The following GRID2 variants were observed in gnomAD, a reference collection of about 807,000 sequenced individuals.
The protein encoded by GRID2 is glutamate ionotropic receptor delta type subunit 2.
GRID2 carries 33 observed loss-of-function variants against 114.8 expected under a neutral mutation model. The ratio of observed to expected loss-of-function variants is 0.29; its 90% CI spans 0.22 to 0.38. GRID2 has a LOEUF of 0.38. GRID2 is among the 10% of genes least tolerant of loss of function. The pLI is 1.00. For missense variants in GRID2, 1,184 were observed against 1,257.7 expected (o/e 0.94, Z 0.89); for synonymous variants, 505 against 449.9 (o/e 1.12, Z -1.55).
chr4:92,898,328 T>C (rs1209648282), intron 2 of GRID2, among the ~76,000 whole-genome samples: 1 of 152,096 alleles, frequency 6.6e-6, no homozygotes. Flanking sequence ...TTTTTAACCA[T>C]ATATAGAACC....
At chr4:92,807,611 T>C (rs1260230067) in intron 2 of GRID2, among the ~76,000 whole-genome samples, 2 of 151,942 alleles carry the variant, frequency 1.3e-5, no homozygotes, top group African/African-American at 4.8e-5. Flanking sequence ...GACCATGACA[T>C]GAGACATTGG....
chr4:93,217,712 C>A (rs1744399380), intron 6 of GRID2, among the ~76,000 whole-genome samples: 1 of 152,026 alleles, frequency 6.6e-6, no homozygotes, highest in African/African-American at 2.4e-5. Flanking sequence ...CTCATATAAC[C>A]TGTCAGTATA....
intron 13 of GRID2, among the ~76,000 whole-genome samples, chr4:93,594,093 G>A (rs1458398749): frequency 2.0e-5 from 3 of 152,166 alleles, no homozygotes; most frequent in African/African-American, 4.8e-5. Flanking sequence ...TTCCGTTGCT[G>A]GTGAGGAGCT....
intron 10 of GRID2, among the ~76,000 whole-genome samples, chr4:93,440,911 C>A (rs1011852916): frequency 6.6e-6 from 1 of 151,984 alleles, no homozygotes; most frequent in Non-Finnish European, 1.5e-5. Context: ...AATAATAAGT[C>A]TTGAATCAAA....
intron 2 of GRID2, among the ~76,000 whole-genome samples, chr4:92,799,191 A>G (rs117607183): frequency 0.025 from 3,789 of 152,068 alleles, 102 homozygotes; most frequent in East Asian, 0.12. Flanking sequence ...GGAGACAGTG[A>G]CAGATCACCC....
chr4:92,914,591 C>T (rs1748641075), intron 2 of GRID2, among the ~76,000 whole-genome samples: 1 of 152,024 alleles, frequency 6.6e-6, no homozygotes, highest in Non-Finnish European at 1.5e-5. Flanking sequence ...TTCTGATAGG[C>T]CCTAGTGTAT....
At chr4:92,969,203 C>T (rs547594695) in intron 2 of GRID2, among the ~76,000 whole-genome samples, 1 of 151,504 alleles carries the variant, frequency 6.6e-6, no homozygotes, top group South Asian at 2.1e-4. Context: ...CACATGTCAA[C>T]TAGGACTAGA....
chr4:92,354,560 A>G (rs949916253), intron 1 of GRID2, among the ~76,000 whole-genome samples: 2 of 152,002 alleles, frequency 1.3e-5, no homozygotes, highest in East Asian at 1.9e-4. Flanking sequence ...TTAAAAGAAT[A>G]TATTACTCTT....
At chr4:92,882,005 G>A (rs1355704672) in intron 2 of GRID2, among the ~76,000 whole-genome samples, 1 of 151,988 alleles carries the variant, frequency 6.6e-6, no homozygotes, top group East Asian at 1.9e-4. Context: ...ATATTCTTAG[G>A]ACACATATCA....
At chr4:93,100,582 C>T (rs1008294840) in intron 3 of GRID2, among the ~76,000 whole-genome samples, 1 of 151,962 alleles carries the variant, frequency 6.6e-6, no homozygotes, top group Non-Finnish European at 1.5e-5. Flanking sequence ...GTATGACATA[C>T]TCCTTCCTAT....
At chr4:93,608,653 A>C (rs1461469193) in intron 13 of GRID2, among the ~76,000 whole-genome samples, 1 of 138,632 alleles carries the variant, frequency 7.2e-6, no homozygotes, top group Non-Finnish European at 1.6e-5. Context: ...ATCATTTTTT[A>C]TGGCTGCATA....
At chr4:93,159,400 T>G (rs563061060) in intron 4 of GRID2, among the ~76,000 whole-genome samples, 2 of 151,830 alleles carry the variant, frequency 1.3e-5, no homozygotes, top group Non-Finnish European at 2.9e-5. Context: ...TTGAGTGTTT[T>G]TGAGTCATCC....
At chr4:93,759,692 C>T (rs1340512508) in intron 14 of GRID2, among the ~76,000 whole-genome samples, 2 of 152,164 alleles carry the variant, frequency 1.3e-5, no homozygotes, top group African/African-American at 4.8e-5. Context: ...CTAAGTGCCC[C>T]ATGATAATGA....
chr4:93,043,364 A>G (rs1725789288), intron 2 of GRID2, among the ~76,000 whole-genome samples: 1 of 152,174 alleles, frequency 6.6e-6, no homozygotes. Flanking sequence ...AAACTTATAG[A>G]TCATAAGGAA....
rs188818581 is a variant in GRID2 at position 92,597,032 on chromosome 4, G to A, written c.244+6746G>A. Among the ~76,000 whole-genome samples, 141 of 152,034 alleles carry A rather than the reference G, an allele frequency of 9.3e-4. 2 individuals are homozygous for A. The East Asian group carries it at 0.026, about 28-fold the overall frequency. ...GGAACAAGATGGTCTAGCTTTTTAA[G>A]TATACTTTTCAGGAAAGACAGGTAT... is the stretch of plus-strand genomic sequence containing the variant. On this transcript the variant is annotated intron_variant, in intron 2 of 15. Transcript: ENST00000282020.
chr4:93,594,586 T>A (rs531901723), intron 13 of GRID2, among the ~76,000 whole-genome samples: 162 of 152,322 alleles, frequency 1.1e-3, no homozygotes, highest in African/African-American at 3.8e-3. Flanking sequence ...CTCCACCCAG[T>A]TCGAGCTTCC....
intron 14 of GRID2, among the ~76,000 whole-genome samples, chr4:93,757,806 A>C (rs1732881095): frequency 6.6e-6 from 1 of 152,162 alleles, no homozygotes; most frequent in Non-Finnish European, 1.5e-5. Flanking sequence ...AAAAGGCAAA[A>C]GTTATCTGGG....
chr4:92,996,584 T>C (rs1263779846), intron 2 of GRID2, among the ~76,000 whole-genome samples: 1 of 152,284 alleles, frequency 6.6e-6, no homozygotes, highest in East Asian at 1.9e-4. Flanking sequence ...AGGAGATTGA[T>C]GTGCTGAAAA....
At chr4:92,634,859 CAGAGAGAGAGAG>C (rs71682478) in intron 2 of GRID2, among the ~76,000 whole-genome samples, 1 of 143,124 alleles carries the variant, frequency 7.0e-6, no homozygotes, top group Non-Finnish European at 1.5e-5. Context: ...TGCAGAGAGA[CAGAGAGAGAGAG>C]AGAGAGAAAG....
Sources: allele counts gnomAD v4.1 joint callset (sites outside exome capture counted in the v4.1 genomes callset), GRCh38; gene constraint gnomAD v4.1.1; transcripts MANE v1.5; gene names NCBI Gene and HGNC (gene_info 2026-07-23, HGNC 2026-07-21).